The following CLTCL1 variants were observed in gnomAD, a reference collection of about 807,000 sequenced individuals.
CLTCL1 encodes clathrin heavy chain 2.
A neutral mutation model predicts 190.0 loss-of-function variants in CLTCL1; 159 were observed. The ratio of observed to expected loss-of-function variants is 0.84; its 90% CI spans 0.74 to 0.95. The LOEUF (loss-of-function observed/expected upper bound fraction) is 0.95, where lower values mean the gene tolerates loss of function less well. Ranked by LOEUF, CLTCL1 falls within the 40% of genes least tolerant of loss-of-function variation. The probability of loss-of-function intolerance (pLI) is 0.00; values close to 1 mark genes in which losing one functional copy is unlikely to be tolerated. For synonymous variants in CLTCL1, 752 were observed against 769.6 expected (o/e 0.98, Z 0.38); for missense variants, 1,878 against 2,033.4 (o/e 0.92, Z 1.47).
chr22:19,277,065 G>A (rs1555983835), intron 1 of CLTCL1, among the ~76,000 whole-genome samples: 1 of 152,180 alleles, frequency 6.6e-6, no homozygotes, highest in African/African-American at 2.4e-5. Flanking sequence ...TAACCTTGAA[G>A]AGGCTCACAC....
At position 19,239,951 on chromosome 22, in the gene CLTCL1, T is replaced by C. The variant is rs577411951; in HGVS notation, c.682-563A>G. Among the ~76,000 whole-genome samples, 159 of 146,328 alleles carry C rather than the reference T, an allele frequency of 1.1e-3. 1 individual carries two copies. Among genetic ancestry groups the C allele is most frequent in the African/African-American group, 2.2e-3 (88 of 40,528 alleles). ...TCCCTATAACTTTCTTTTTCTTCTT[T>C]TTTTTTTTTTTTTTTAAGATGGAGT... On this transcript the variant is annotated intron_variant, in intron 4 of 32. Transcript: ENST00000427926.
chr22:19,286,384 G>C (rs1282569018), intron 1 of CLTCL1, among the ~76,000 whole-genome samples: 6 of 152,160 alleles, frequency 3.9e-5, no homozygotes, highest in African/African-American at 1.4e-4. Flanking sequence ...ACCAGAAGCA[G>C]TGGTAGGCCA....
In CLTCL1 at chr22:19,216,132, T is replaced by G. The variant is rs2085378846; in HGVS notation, c.3044A>C (p.Asn1015Thr). ...TCACCTGTGCTCGCTGAAGACAGAG[T>G]TATCCAGAACTATCTTCTCCAGCAG... The part of the protein sequence containing the change: ...IELLEKIVLD[N>T]SVFSEHRNLQ... The change falls in exon 19 of 33, where the codon AAC becomes ACC. Residue 1015 changes from asparagine (N) to threonine (T), a missense_variant. By Grantham distance (65) the Asn-to-Thr change is moderately conservative. Coordinates refer to ENST00000427926, the MANE Select transcript of CLTCL1 (RefSeq NM_007098.4). 1.2e-6 allele frequency: 2 copies of G among 1,613,804 alleles called. No homozygotes were observed. The highest frequency in any genetic ancestry group is 1.7e-6 in the Non-Finnish European group (2 of 1,179,780).
intron 26 of CLTCL1, 131 bp from the exon 27 acceptor site, chr22:19,191,566 C>T: frequency 9.2e-7 from 1 of 1,084,270 alleles, no homozygotes; most frequent in Non-Finnish European, 1.3e-6. Context: ...GACTCAATGG[C>T]CTGTGAAGGT....
At chr22:19,180,377 C>T (rs2084091476) in intron 31 of CLTCL1, 139 bp from the exon 32 acceptor site, 2 of 940,686 alleles carry the variant, frequency 2.1e-6, no homozygotes. Flanking sequence ...ACAGCCTCTC[C>T]AGTCTGCTCG....
At chr22:19,266,810 T>C (rs542152832) in intron 2 of CLTCL1, among the ~76,000 whole-genome samples, 12 of 152,292 alleles carry the variant, frequency 7.9e-5, no homozygotes, top group Admixed American at 7.8e-4. Flanking sequence ...TATGTGATCA[T>C]CTCAGTAGAC....
At chr22:19,216,805 G>A (rs1462143183) in intron 18 of CLTCL1, among the ~76,000 whole-genome samples, 11 of 152,244 alleles carry the variant, frequency 7.2e-5, no homozygotes, top group African/African-American at 9.6e-5. Context: ...CAAATAGGGT[G>A]GAAAGACAGT....
At chr22:19,195,440 G>A (rs1250237883) in intron 26 of CLTCL1, among the ~76,000 whole-genome samples, 1 of 152,224 alleles carries the variant, frequency 6.6e-6, no homozygotes, top group Non-Finnish European at 1.5e-5. Context: ...CAGCACACGT[G>A]CCACTCGCGC....
At position 19,222,722 on chromosome 22, in the gene CLTCL1, T is replaced by C. The variant is rs782214838; in HGVS notation, c.2380A>G (p.Asn794Asp). ...ATCTCAATGTACCTCTGCAGGTTGT[T>C]GCGGTATAAATATAGGACAAGGTCA... ...VHDLVLYLYR[N>D]NLQRYIEIYV... The change falls in exon 15 of 33, where the codon AAC (asparagine) becomes GAC (aspartate). Residue 794 changes from asparagine (N) to aspartate (D), a missense_variant. Transcript: ENST00000427926. The C allele has an allele frequency of 6.3e-7, 1 of 1,595,258 alleles. No homozygotes were observed. Among genetic ancestry groups the C allele is most frequent in the Non-Finnish European group, 8.5e-7 (1 of 1,170,872 alleles).
rs575198750 is a variant in CLTCL1 at position 19,200,655 on chromosome 22, A to G, written c.3765+674T>C. ...GGAGATAGAGACCATCCTGGCTAAC[A>G]TGGTGAAACCCCGACTCTACTAAAA... On this transcript the variant is annotated intron_variant, in intron 23 of 32. Transcript: ENST00000427926. 2.3e-3 allele frequency among the ~76,000 whole-genome samples: 357 copies of G among 152,280 alleles called. 1 individual carries two copies. Among genetic ancestry groups the G allele is most frequent in the African/African-American group, 8.2e-3 (340 of 41,566 alleles).
In CLTCL1 at chr22:19,212,600, A is replaced by G. The variant is rs559357144; in HGVS notation, c.3066-2091T>C. On this transcript the variant is annotated intron_variant, in intron 19 of 32. Transcript: ENST00000427926. ...AAGAAAGAAAGAGAAAGAAAGAAAG[A>G]AAGGAAGGAAGGAAGGAAAGAAAGA... 1.4e-4 allele frequency among the ~76,000 whole-genome samples: 21 copies of G among 148,946 alleles called. 1 individual carries two copies. The highest frequency in any genetic ancestry group is 4.2e-4 in the South Asian group (2 of 4,778).
intron 1 of CLTCL1, among the ~76,000 whole-genome samples, chr22:19,281,752 T>C (rs2087724086): frequency 6.6e-6 from 1 of 152,180 alleles, no homozygotes. Flanking sequence ...TACGGTGACA[T>C]TCTGATTTCA....
In CLTCL1 at chr22:19,276,962, G is replaced by A. The variant is rs5748095; in HGVS notation, c.43-1132C>T. On this transcript the variant is annotated intron_variant, in intron 1 of 32. Coordinates refer to ENST00000427926, the MANE Select transcript of CLTCL1 (RefSeq NM_007098.4). ...GCTGGGATTACAGGCGTGAGCCACC[G>A]CGTCTGGTCGACACCTTTATTTTTA... Among the ~76,000 whole-genome samples, 1,438 of 152,182 alleles carry A rather than the reference G, an allele frequency of 9.4e-3. 32 individuals carry two copies. The highest frequency in any genetic ancestry group is 0.065 in the East Asian group (335 of 5,166).
intron 27 of CLTCL1, among the ~76,000 whole-genome samples, chr22:19,190,285 G>A (rs2084449308): frequency 2.6e-5 from 4 of 152,198 alleles, no homozygotes; most frequent in Admixed American, 2.6e-4. Flanking sequence ...CAATGCTGTT[G>A]TGTCTCAGGG....
At chr22:19,283,574 C>A (rs2087801163) in intron 1 of CLTCL1, among the ~76,000 whole-genome samples, 1 of 152,172 alleles carries the variant, frequency 6.6e-6, no homozygotes. Context: ...CACCACTGCA[C>A]TGGACCTTAG....
chr22:19,214,986 T>G (rs1451346250), intron 19 of CLTCL1, among the ~76,000 whole-genome samples: 4 of 152,248 alleles, frequency 2.6e-5, no homozygotes, highest in Non-Finnish European at 5.9e-5. Flanking sequence ...CATAAAACTG[T>G]CTGGTGAAAT....
At chr22:19,228,170 G>C (rs1248767687) in intron 11 of CLTCL1, among the ~76,000 whole-genome samples, 3 of 152,240 alleles carry the variant, frequency 2.0e-5, no homozygotes, top group African/African-American at 4.8e-5. Flanking sequence ...ACAGTACTAA[G>C]AGTAGGGCTT....
intron 2 of CLTCL1, chr22:19,258,758 C>T (rs5748077): frequency 0.016 from 11,185 of 691,152 alleles, 355 homozygotes; most frequent in East Asian, 0.082. Context: ...GGATAGTGGA[C>T]GGCAAAGTGG....
chr22:19,180,959 C>A (rs782751321), intron 30 of CLTCL1, 153 bp from the exon 31 acceptor site: 4 of 659,452 alleles, frequency 6.1e-6, no homozygotes, highest in Non-Finnish European at 1.1e-5. Context: ...TCAGCCCACA[C>A]CCCATGCACT....
Sources: gnomAD v4.1 joint callset for allele counts (sites outside exome capture counted in the v4.1 genomes callset) on GRCh38, gnomAD v4.1.1 for gene constraint, MANE v1.5 for transcripts, NCBI Gene and HGNC (gene_info 2026-07-23, HGNC 2026-07-21) for gene names.